The following ST7 variants were observed in gnomAD, a reference collection of about 807,000 sequenced individuals.
ST7 encodes suppressor of tumorigenicity 7 protein.
Under a neutral mutation model 78.7 loss-of-function variants are expected in ST7, and 28 were observed. The ratio of observed to expected loss-of-function variants is 0.36; its 90% CI spans 0.26 to 0.49. The LOEUF (loss-of-function observed/expected upper bound fraction) is 0.49. Ranked by LOEUF, ST7 falls within the 20% of genes least tolerant of loss-of-function variation. The pLI is 0.99. For missense variants in ST7, 418 were observed against 696.0 expected (o/e 0.60, Z 4.49); for synonymous variants, 247 against 249.6 (o/e 0.99, Z 0.10).
At position 116,973,813 on chromosome 7, in the gene ST7, T is replaced by G. The variant is rs183167706; in HGVS notation, c.151+20122T>G. Among the ~76,000 whole-genome samples, 365 of 152,358 alleles carry G rather than the reference T, an allele frequency of 2.4e-3. 3 individuals carry two copies. Among genetic ancestry groups the G allele is most frequent in the Middle Eastern group, 0.014 (4 of 294 alleles). On this transcript the variant is annotated intron_variant, in intron 1 of 15. Coordinates refer to ENST00000323984, the MANE Select transcript of ST7 (RefSeq NM_001369598.1). ...AGATCTTCCCATGTTGTAGATATAC[T>G]TAATTTAATTGTTATATAGTATTTC...
In ST7 at chr7:117,190,351, C is replaced by G. The variant is rs38885; in HGVS notation, c.1152-483C>G. The G allele has an allele frequency of 0.12, 19,922 of 170,772 alleles. 2,379 individuals carry two copies. The highest frequency in any genetic ancestry group is 0.31 in the African/African-American group (12,957 of 41,550). 10.6% of individuals were successfully genotyped at this position (170,772 alleles called of 1,614,324 possible). Reference sequence around the variant, plus strand: ...CGCAGTTTGGGCATGCACACACCCTCTGCCGGAATGGCCCCAAGCAGGCTC... The same window carrying G: ...CGCAGTTTGGGCATGCACACACCCTGTGCCGGAATGGCCCCAAGCAGGCTC... On this transcript the variant is annotated intron_variant, in intron 11 of 15. Coordinates refer to ENST00000323984, the MANE Select transcript of ST7 (RefSeq NM_001369598.1). The surrounding 1 kb of genome is among the most constrained non-coding windows in gnomAD (Gnocchi z 5.2).
At chr7:117,141,808 T>C (rs978397042) in intron 9 of ST7, among the ~76,000 whole-genome samples, 1 of 152,132 alleles carries the variant, frequency 6.6e-6, no homozygotes, top group African/African-American at 2.4e-5. Context: ...GAGCTGGGAC[T>C]GCAGGCGCAC....
chr7:117,165,742 T>G (rs1248903658), intron 9 of ST7, among the ~76,000 whole-genome samples: 1 of 152,004 alleles, frequency 6.6e-6, no homozygotes, highest in African/African-American at 2.4e-5. Context: ...AACCAGCAGA[T>G]GAAGGTAAGA....
In ST7 at chr7:117,207,020, A is replaced by G. The variant is rs545807208; in HGVS notation, c.1255-2767A>G. On this transcript the variant is annotated intron_variant, in intron 12 of 15. Transcript: ENST00000323984. ...TTAACTAATTAAAATATAAATAACCACATGCAGTAGAAACTGTCGTATTGA... is the reference window on the plus strand; with the variant it reads ...TTAACTAATTAAAATATAAATAACCGCATGCAGTAGAAACTGTCGTATTGA... 5.8e-4 allele frequency among the ~76,000 whole-genome samples: 89 copies of G among 152,334 alleles called. 1 individual carries two copies. The highest frequency in any genetic ancestry group is 5.8e-3 in the Admixed American group (89 of 15,308).
chr7:117,124,405 C>A (rs759398360), intron 3 of ST7, among the ~76,000 whole-genome samples: 1 of 152,026 alleles, frequency 6.6e-6, no homozygotes, highest in East Asian at 1.9e-4. Context: ...GGTCACATGG[C>A]GGATAACCTG....
At chr7:116,965,339 CAAAAA>C (rs975151437) in intron 1 of ST7, among the ~76,000 whole-genome samples, 13 of 50,298 alleles carry the variant, frequency 2.6e-4, no homozygotes, top group Admixed American at 1.7e-3. Context: ...GACTCCGTCT[CAAAAA>C]AAAAAAAAAA....
intron 1 of ST7, among the ~76,000 whole-genome samples, chr7:117,080,193 G>C (rs956179421): frequency 1.3e-5 from 2 of 151,712 alleles, no homozygotes; most frequent in Non-Finnish European, 2.9e-5. Flanking sequence ...TTTTAGCCAG[G>C]ATGGTCTCGA....
intron 12 of ST7, among the ~76,000 whole-genome samples, chr7:117,196,333 T>C (rs1328110529): frequency 6.6e-6 from 1 of 152,224 alleles, no homozygotes; most frequent in African/African-American, 2.4e-5. Context: ...TTTTGATTTT[T>C]TGAGAAACTT....
intron 1 of ST7, among the ~76,000 whole-genome samples, chr7:117,077,791 A>T (rs567050641): frequency 5.7e-4 from 86 of 152,030 alleles, no homozygotes; most frequent in Non-Finnish European, 1.5e-5. Context: ...GATTTTTGCC[A>T]ATGTAATCAG....
chr7:117,016,747 G>A (rs1795634465), intron 1 of ST7, among the ~76,000 whole-genome samples: 1 of 152,148 alleles, frequency 6.6e-6, no homozygotes, highest in Non-Finnish European at 1.5e-5. Context: ...GTGGTGAGAA[G>A]CCCTTTTGAA....
chr7:117,032,612 A>G (rs1796661515), intron 1 of ST7, among the ~76,000 whole-genome samples: 1 of 152,158 alleles, frequency 6.6e-6, no homozygotes, highest in Non-Finnish European at 1.5e-5. Context: ...AACTTTTTCT[A>G]ATTATTTGGC....
At chr7:117,020,778 A>G (rs1459431864) in intron 1 of ST7, 1 of 1,137,800 alleles carries the variant, frequency 8.8e-7, no homozygotes, top group African/African-American at 1.6e-5. Context: ...TCAGGGAAGG[A>G]ACTCCCCTTA....
intron 15 of ST7, among the ~76,000 whole-genome samples, chr7:117,229,418 T>TG (rs767066718): frequency 5.9e-5 from 9 of 152,264 alleles, no homozygotes; most frequent in Non-Finnish European, 1.0e-4. Flanking sequence ...TGTGCCCACT[T>TG]GCCACCAATC....
At chr7:117,186,177 T>A (rs997599224) in intron 10 of ST7, among the ~76,000 whole-genome samples, 10 of 152,172 alleles carry the variant, frequency 6.6e-5, no homozygotes, top group Non-Finnish European at 1.5e-4. Flanking sequence ...GCAGCCTCGG[T>A]GTATGATTTT....
intron 1 of ST7, among the ~76,000 whole-genome samples, chr7:117,009,453 C>T (rs925772248): frequency 6.6e-6 from 1 of 152,016 alleles, no homozygotes; most frequent in Admixed American, 6.6e-5. Context: ...GGGTACCTCC[C>T]TGTTTGTTGT....
chr7:117,140,552 T>C (rs886783304), intron 9 of ST7, among the ~76,000 whole-genome samples: 6 of 152,158 alleles, frequency 3.9e-5, no homozygotes, highest in Non-Finnish European at 5.9e-5. Context: ...TGCTTGACCA[T>C]TCTCCTGATG....
chr7:117,030,817 C>T lies in ST7; in HGVS notation c.152-68945C>T, dbSNP rs534868184. Among the ~76,000 whole-genome samples, 9 of 152,202 alleles carry T rather than the reference C, an allele frequency of 5.9e-5. No individual in the cohort carries two copies. In the East Asian group the frequency reaches 7.7e-4, roughly 13 times the overall value. ...ACCAAAAACAGGATTAACATTCAACCCAGCAACCCCACTACTGGATATATA... is the reference window on the plus strand; with the variant it reads ...ACCAAAAACAGGATTAACATTCAACTCAGCAACCCCACTACTGGATATATA... On this transcript the variant is annotated intron_variant, in intron 1 of 15. Coordinates refer to ENST00000323984, the MANE Select transcript of ST7 (RefSeq NM_001369598.1).
chr7:117,110,856 G>A (rs1274605611), intron 2 of ST7, among the ~76,000 whole-genome samples: 1 of 152,186 alleles, frequency 6.6e-6, no homozygotes, highest in Non-Finnish European at 1.5e-5. Context: ...GAGGTTTTCT[G>A]TGCCCCTGCT....
At chr7:117,129,878 G>A in intron 4 of ST7, 31 bp downstream of exon 4, 1 of 1,591,736 alleles carries the variant, frequency 6.3e-7, no homozygotes, top group Non-Finnish European at 8.6e-7. Context: ...GGAAACAAAT[G>A]GGTCTGGTTC....
Sources: gnomAD v4.1 joint callset for allele counts (sites outside exome capture counted in the v4.1 genomes callset) on GRCh38, gnomAD v4.1.1 for gene constraint, Gnocchi (gnomAD v3.1) non-coding constraint, MANE v1.5 for transcripts, NCBI Gene and HGNC (gene_info 2026-07-23, HGNC 2026-07-21) for gene names.